FAM135B: variants seen among roughly 807,000 people sequenced by gnomAD.
FAM135B encodes the protein family with sequence similarity 135 member B, also known as protein FAM135B.
Under a neutral mutation model 127.7 loss-of-function variants are expected in FAM135B, and 43 were observed. The ratio of observed to expected loss-of-function variants is 0.34; its 90% CI spans 0.26 to 0.43. FAM135B has a LOEUF of 0.43. Ranked by LOEUF, FAM135B falls within the 20% of genes least tolerant of loss-of-function variation. The pLI, the probability that FAM135B is intolerant of heterozygous loss-of-function variation, is 1.00. For synonymous variants in FAM135B, 670 were observed against 665.1 expected (o/e 1.01, Z -0.11); for missense variants, 1,558 against 1,725.6 (o/e 0.90, Z 1.72).
intron 2 of FAM135B, among the ~76,000 whole-genome samples, chr8:138,334,560 T>C (rs1210584021): frequency 1.3e-5 from 2 of 152,110 alleles, no homozygotes; most frequent in Non-Finnish European, 2.9e-5. Context: ...TACCTTCCCA[T>C]AGGGCCCAGT....
intron 1 of FAM135B, among the ~76,000 whole-genome samples, chr8:138,493,276 C>T (rs1261750968): frequency 6.6e-6 from 1 of 152,102 alleles, no homozygotes; most frequent in African/African-American, 2.4e-5. Context: ...GAATCTGAAT[C>T]TAAATCTTTA....
chr8:138,428,883 T>C (rs903781229), intron 1 of FAM135B, among the ~76,000 whole-genome samples: 1 of 152,246 alleles, frequency 6.6e-6, no homozygotes, highest in African/African-American at 2.4e-5. Flanking sequence ...GGGAGTCTTA[T>C]CAGATCATTT....
chr8:138,298,435 T>G (rs1825628973), intron 3 of FAM135B, among the ~76,000 whole-genome samples: 2 of 152,116 alleles, frequency 1.3e-5, no homozygotes, highest in South Asian at 4.1e-4. Context: ...GGAAACAAGC[T>G]AGACAAAGAT....
intron 3 of FAM135B, among the ~76,000 whole-genome samples, chr8:138,267,699 A>G (rs1455975696): frequency 1.3e-5 from 2 of 152,190 alleles, no homozygotes; most frequent in African/African-American, 4.8e-5. Context: ...ATGCAGTCAC[A>G]TCTAAACAAA....
At chr8:138,197,105 GTGTGTGTGTGTGTATATA>G (rs1563757290) in intron 8 of FAM135B, among the ~76,000 whole-genome samples, 1 of 46,422 alleles carries the variant, frequency 2.2e-5, no homozygotes, top group Non-Finnish European at 5.2e-5. Context: ...GTGTGTGTGT[GTGTGTGTGTGTGTATATA>G]TATAGTTTTT....
intron 2 of FAM135B, among the ~76,000 whole-genome samples, chr8:138,355,393 A>G (rs556913221): frequency 2.6e-5 from 4 of 152,200 alleles, no homozygotes. Context: ...GAAGCCATAA[A>G]AAATGGTGAG....
intron 7 of FAM135B, among the ~76,000 whole-genome samples, chr8:138,206,329 C>T (rs77303721): frequency 3.5e-4 from 46 of 130,042 alleles, no homozygotes; most frequent in South Asian, 7.8e-4. Context: ...CTCTATCATC[C>T]CCTCCACCTA....
chr8:138,343,611 G>A (rs1269185285), intron 2 of FAM135B, among the ~76,000 whole-genome samples: 3 of 152,214 alleles, frequency 2.0e-5, no homozygotes, highest in Non-Finnish European at 2.9e-5. Context: ...CAGTGCCCAA[G>A]GGGAAGGCCC....
intron 1 of FAM135B, among the ~76,000 whole-genome samples, chr8:138,405,202 TC>T (rs1305729456): frequency 4.8e-5 from 7 of 146,712 alleles, no homozygotes; most frequent in Admixed American, 3.4e-4. Flanking sequence ...GTAGTAATAT[TC>T]TTTTTTTTTC....
At chr8:138,483,849 A>T (rs1288363745) in intron 1 of FAM135B, among the ~76,000 whole-genome samples, 10 of 152,182 alleles carry the variant, frequency 6.6e-5, no homozygotes. Flanking sequence ...ATTGATTTTC[A>T]GTCTAGGTAT....
At chr8:138,492,176 C>T (rs1370013476) in intron 1 of FAM135B, among the ~76,000 whole-genome samples, 1 of 151,902 alleles carries the variant, frequency 6.6e-6, no homozygotes, top group Non-Finnish European at 1.5e-5. Context: ...GTTTATTAGT[C>T]CTTGCCTTCT....
chr8:138,301,358 C>T (rs944046623), intron 3 of FAM135B, among the ~76,000 whole-genome samples: 2 of 152,224 alleles, frequency 1.3e-5, no homozygotes, highest in Admixed American at 6.5e-5. Flanking sequence ...TTTGTTTTCT[C>T]CAAACAATCA....
intron 11 of FAM135B, among the ~76,000 whole-genome samples, chr8:138,169,750 G>A (rs1030478405): frequency 2.6e-5 from 4 of 152,120 alleles, no homozygotes; most frequent in Non-Finnish European, 5.9e-5. Flanking sequence ...TACACCTAGA[G>A]GATTGCAGCT....
intron 18 of FAM135B, among the ~76,000 whole-genome samples, chr8:138,138,784 C>G (rs1419321514): frequency 6.6e-6 from 1 of 152,244 alleles, no homozygotes; most frequent in Non-Finnish European, 1.5e-5. Context: ...CAATCTCTCA[C>G]GTGCCATATG....
intron 2 of FAM135B, among the ~76,000 whole-genome samples, chr8:138,347,594 C>T (rs1217457186): frequency 6.6e-6 from 1 of 152,200 alleles, no homozygotes; most frequent in Non-Finnish European, 1.5e-5. Context: ...TAACAGCCCT[C>T]TCATAACCCC....
intron 2 of FAM135B, among the ~76,000 whole-genome samples, chr8:138,317,403 T>C (rs1411886440): frequency 1.3e-5 from 2 of 152,100 alleles, no homozygotes; most frequent in Admixed American, 6.5e-5. Flanking sequence ...CAACATAAAA[T>C]GTGAGATCCA....
intron 9 of FAM135B, among the ~76,000 whole-genome samples, chr8:138,185,408 T>C (rs1410595753): frequency 6.6e-6 from 1 of 152,162 alleles, no homozygotes; most frequent in East Asian, 1.9e-4. Flanking sequence ...CTGGGCCTCA[T>C]GGGATCTGAG....
At chr8:138,437,385 C>A (rs2131531772) in intron 1 of FAM135B, 1 of 152,128 alleles carries the variant, frequency 6.6e-6, no homozygotes, top group East Asian at 1.9e-4. Flanking sequence ...TACTCTCATG[C>A]TGTTCTTGTG....
intron 6 of FAM135B, among the ~76,000 whole-genome samples, chr8:138,244,733 C>G (rs1037017187): frequency 2.0e-5 from 3 of 152,184 alleles, no homozygotes; most frequent in African/African-American, 7.2e-5. Context: ...ATTCACTGGA[C>G]AGACTGCAAA....
Sources: allele counts gnomAD v4.1 joint callset (sites outside exome capture counted in the v4.1 genomes callset), GRCh38; gene constraint gnomAD v4.1.1; transcripts MANE v1.5; gene names NCBI Gene and HGNC (gene_info 2026-07-23, HGNC 2026-07-21).